RIMS2: variants seen among roughly 807,000 people sequenced by gnomAD.
The protein encoded by RIMS2 is regulating synaptic membrane exocytosis 2.
In RIMS2, 59 loss-of-function variants were observed where a neutral mutation model predicts 174.4. The ratio of observed to expected loss-of-function variants is 0.34; its 90% CI spans 0.27 to 0.42. The LOEUF is 0.42. Ranked by LOEUF, RIMS2 falls within the 10% of genes least tolerant of loss-of-function variation. The pLI is 1.00. For synonymous variants in RIMS2, 606 were observed against 572.5 expected, an observed-to-expected ratio of 1.06 and a Z score of -0.84; for missense variants, 1,620 against 1,666.3, an observed-to-expected ratio of 0.97 and a Z score of 0.48.
At chr8:103,620,437 T>A (rs998240920) in intron 1 of RIMS2, among the ~76,000 whole-genome samples, 27 of 151,442 alleles carry the variant, frequency 1.8e-4, no homozygotes, top group African/African-American at 4.3e-4. Flanking sequence ...AGCTATAATT[T>A]AAAAAAAAAT....
intron 3 of RIMS2, chr8:103,819,155 T>C (rs2098735683): frequency 9.8e-7 from 1 of 1,021,248 alleles, no homozygotes; most frequent in African/African-American, 1.7e-5. Context: ...ACAGCATCTA[T>C]TCATTGCATG....
intron 19 of RIMS2, among the ~76,000 whole-genome samples, chr8:104,222,968 T>C (rs781652575): frequency 2.4e-4 from 37 of 152,316 alleles, no homozygotes; most frequent in Non-Finnish European, 4.3e-4. Context: ...TGGAACTTGG[T>C]AAAAATTGAG....
At chr8:103,597,832 TG>T (rs1234658072) in intron 1 of RIMS2, among the ~76,000 whole-genome samples, 1 of 152,068 alleles carries the variant, frequency 6.6e-6, no homozygotes, top group East Asian at 1.9e-4. Flanking sequence ...TTTTAAACCG[TG>T]GGTCATGAAA....
At chr8:103,564,786 C>T (rs2092124117) in intron 1 of RIMS2, among the ~76,000 whole-genome samples, 1 of 152,188 alleles carries the variant, frequency 6.6e-6, no homozygotes, top group African/African-American at 2.4e-5. Context: ...AGTCCACTGA[C>T]TCAAATGTTA....
rs544393866 is a variant in RIMS2, at chr8:104,086,724, T to G, written c.3334+72109T>G. On this transcript the variant is annotated intron_variant, in intron 19 of 23. Coordinates refer to ENST00000504942, the Ensembl canonical transcript of RIMS2. ...ACTTTAAGCTGTTCTTGCTATGTCA[T>G]GTTTCAAAGACTTCCCTGAGTGAGT... 7.9e-5 allele frequency among the ~76,000 whole-genome samples: 12 copies of G among 152,292 alleles called. No individual in the cohort carries two copies. In the East Asian group the frequency reaches 2.3e-3, roughly 29 times the overall value.
At chr8:104,022,454 C>T (rs2096125375) in intron 19 of RIMS2, among the ~76,000 whole-genome samples, 2 of 152,100 alleles carry the variant, frequency 1.3e-5, no homozygotes, top group African/African-American at 4.8e-5. Context: ...ACAGTCTCAG[C>T]TCACTGCAAC....
At chr8:103,532,200 T>C (rs1837500728) in intron 1 of RIMS2, among the ~76,000 whole-genome samples, 1 of 152,216 alleles carries the variant, frequency 6.6e-6, no homozygotes, top group Admixed American at 6.5e-5. Context: ...CATTCAAACC[T>C]ACTTCCCACT....
chr8:104,004,453 A>G (rs1041541399), intron 17 of RIMS2, among the ~76,000 whole-genome samples: 3 of 152,152 alleles, frequency 2.0e-5, no homozygotes, highest in Non-Finnish European at 2.9e-5. Flanking sequence ...TGCCTGTTGG[A>G]TATGTCAAGT....
At chr8:103,788,914 A>G (rs1460223105) in intron 3 of RIMS2, among the ~76,000 whole-genome samples, 1 of 152,156 alleles carries the variant, frequency 6.6e-6, no homozygotes, top group South Asian at 2.1e-4. Context: ...TGTGCTAGCA[A>G]TCAGCGAGAC....
intron 19 of RIMS2, among the ~76,000 whole-genome samples, chr8:104,125,330 G>A (rs1443974958): frequency 3.3e-5 from 5 of 152,124 alleles, no homozygotes; most frequent in African/African-American, 1.2e-4. Context: ...TGTTGCTTTT[G>A]TTGAAACCCT....
At chr8:104,149,142 A>G (rs1164554036) in intron 19 of RIMS2, among the ~76,000 whole-genome samples, 1 of 152,128 alleles carries the variant, frequency 6.6e-6, no homozygotes, top group Non-Finnish European at 1.5e-5. Flanking sequence ...ATCCTTTGTA[A>G]AGATAATCTG....
At chr8:103,612,818 C>T (rs796843166) in intron 1 of RIMS2, among the ~76,000 whole-genome samples, 23 of 152,314 alleles carry the variant, frequency 1.5e-4, no homozygotes, top group African/African-American at 5.1e-4. Context: ...GATCCGCCTG[C>T]CTCAGCCTCC....
At chr8:103,696,664 C>T (rs1266483306) in intron 1 of RIMS2, among the ~76,000 whole-genome samples, 2 of 151,616 alleles carry the variant, frequency 1.3e-5, no homozygotes, top group Non-Finnish European at 2.9e-5. Flanking sequence ...GTCAGGAGTT[C>T]GAGACCGGCC....
intron 1 of RIMS2, among the ~76,000 whole-genome samples, chr8:103,523,648 T>A (rs1832739272): frequency 6.6e-6 from 1 of 151,914 alleles, no homozygotes; most frequent in African/African-American, 2.4e-5. Flanking sequence ...TGTTATAGAG[T>A]GAGGGCAAAT....
intron 1 of RIMS2, among the ~76,000 whole-genome samples, chr8:103,598,114 G>A (rs1321696663): frequency 2.0e-5 from 3 of 152,202 alleles, no homozygotes; most frequent in East Asian, 3.9e-4. Context: ...ATATGTTTGT[G>A]ATCAAGTTTA....
At chr8:104,201,639 T>C (rs2099055326) in intron 19 of RIMS2, among the ~76,000 whole-genome samples, 1 of 152,200 alleles carries the variant, frequency 6.6e-6, no homozygotes, top group Non-Finnish European at 1.5e-5. Context: ...AGGCTTCTAG[T>C]ACTGAACCCT....
At chr8:104,200,013 A>G (rs1371068349) in intron 19 of RIMS2, among the ~76,000 whole-genome samples, 2 of 152,216 alleles carry the variant, frequency 1.3e-5, no homozygotes, top group Non-Finnish European at 2.9e-5. Context: ...AAACCCTGTC[A>G]TGATTCTGAA....
chr8:103,751,164 T>G (rs772981142), intron 2 of RIMS2, among the ~76,000 whole-genome samples: 30 of 152,162 alleles, frequency 2.0e-4, no homozygotes, highest in Non-Finnish European at 3.1e-4. Context: ...TTGCCCCATC[T>G]CAGTTCCCAC....
chr8:103,720,711 T>A (rs1003954129), intron 2 of RIMS2, among the ~76,000 whole-genome samples: 1 of 152,188 alleles, frequency 6.6e-6, no homozygotes, highest in Non-Finnish European at 1.5e-5. Flanking sequence ...TATTTTGGAC[T>A]GTATTATTTA....
Sources: gnomAD v4.1 joint callset for allele counts (sites outside exome capture counted in the v4.1 genomes callset) on GRCh38, gnomAD v4.1.1 for gene constraint, MANE v1.5 for transcripts, NCBI Gene and HGNC (gene_info 2026-07-23, HGNC 2026-07-21) for gene names.